Variants in ZNF362 observed in about 807,000 individuals in gnomAD.
ZNF362 encodes zinc finger protein 362.
In ZNF362, 11 loss-of-function variants were observed where a neutral mutation model predicts 42.9. The observed-to-expected ratio is 0.26, with a 90% CI of 0.16 to 0.42. ZNF362 has a LOEUF of 0.42. Among genes scored for constraint, ZNF362 ranks in the 20% least tolerant of loss-of-function variants. ZNF362 has a pLI of 1.00. For synonymous variants in ZNF362, 255 were observed against 257.3 expected (o/e 0.99, Z 0.09); for missense variants, 362 against 576.2 (o/e 0.63, Z 3.81).
At chr1:33,209,830 C>T in the ZNF362 span, among the ~76,000 whole-genome samples, 1,598 of 152,062 alleles carry the variant, frequency 0.011, 35 homozygotes, top group African/African-American at 0.036. Flanking sequence ...CTTTATTAGT[C>T]TTGCTAGTGG....
the ZNF362 span, among the ~76,000 whole-genome samples, chr1:33,210,299 G>A: frequency 3.7e-4 from 57 of 152,140 alleles, no homozygotes; most frequent in South Asian, 0.012. Flanking sequence ...ACAGTTTGTT[G>A]TAATTTCTGT....
intron 1 of ZNF362, among the ~76,000 whole-genome samples, chr1:33,262,286 G>A (rs1238029197): frequency 6.7e-6 from 1 of 149,266 alleles, no homozygotes; most frequent in African/African-American, 2.5e-5. Flanking sequence ...TTGGGCAAAG[G>A]CTTTAGGATT....
chr1:33,275,882 A>T (rs1032398046), intron 2 of ZNF362, among the ~76,000 whole-genome samples: 1 of 139,860 alleles, frequency 7.2e-6, no homozygotes, highest in Non-Finnish European at 1.5e-5. Flanking sequence ...GGGCCCACTA[A>T]GGGGGGGTGG....
the ZNF362 span, chr1:33,181,902 C>T: frequency 5.8e-6 from 1 of 171,026 alleles, no homozygotes; most frequent in African/African-American, 2.4e-5. The surrounding 1 kb of genome is among the most constrained non-coding windows in gnomAD (Gnocchi z 6.5). Flanking sequence ...CCGAGCCGTA[C>T]ATTGGCTGTG....
At chr1:33,277,655 A>C (rs12732195) in intron 4 of ZNF362, among the ~76,000 whole-genome samples, 25,129 of 152,106 alleles carry the variant, frequency 0.17, 2,589 homozygotes, top group South Asian at 0.26. Flanking sequence ...GTGGACAGAT[A>C]TGAGATACAT....
the ZNF362 span, among the ~76,000 whole-genome samples, chr1:33,128,734 C>T: frequency 6.6e-6 from 1 of 152,210 alleles, no homozygotes; most frequent in Non-Finnish European, 1.5e-5. Flanking sequence ...TATAACTTGT[C>T]TCTCAGACCA....
rs201391071 is a variant in ZNF362 at position 33,276,178 on chromosome 1, G to T, written c.102+15G>T. 6.2e-7 allele frequency: 1 copy of T among 1,612,604 alleles called. No individual in the cohort carries two copies. The highest frequency in any genetic ancestry group is 1.7e-5 in the Admixed American group (1 of 59,982). ...TGCCCAGCCAGGTAAGACTGACGTC[G>T]CCCCTCCGGCTGCCCTACCCTCCTT... is the stretch of plus-strand genomic sequence containing the variant. On this transcript the variant is annotated intron_variant, in intron 3 of 8. Coordinates refer to ENST00000539719, the MANE Select transcript of ZNF362 (RefSeq NM_152493.3).
the ZNF362 span, among the ~76,000 whole-genome samples, chr1:33,148,709 A>G: frequency 1.3e-5 from 2 of 152,224 alleles, no homozygotes; most frequent in African/African-American, 4.8e-5. Flanking sequence ...GAAATTGTGA[A>G]AAGGTTACAC....
the ZNF362 span, among the ~76,000 whole-genome samples, chr1:33,225,137 GGCTGTTTCCTCTACTT>G: frequency 6.6e-6 from 1 of 151,994 alleles, no homozygotes; most frequent in Non-Finnish European, 1.5e-5. Flanking sequence ...TCTTCACACT[GGCTGTTTCCTCTACTT>G]GATTATTCTT....
the ZNF362 span, among the ~76,000 whole-genome samples, chr1:33,217,276 C>T: frequency 6.6e-6 from 1 of 152,296 alleles, no homozygotes; most frequent in South Asian, 2.1e-4. Flanking sequence ...GAGGAAGGAG[C>T]CCTGGCCTAG....
At chr1:33,158,483 G>T in the ZNF362 span, 1 of 757,324 alleles carries the variant, frequency 1.3e-6, no homozygotes, top group Admixed American at 2.1e-5. Context: ...TGAGTGAGAA[G>T]TCTGTGGGAC....
chr1:33,235,536 T>C, the ZNF362 span, among the ~76,000 whole-genome samples: 1 of 152,208 alleles, frequency 6.6e-6, no homozygotes, highest in Non-Finnish European at 1.5e-5. Context: ...TCTTCAGGGA[T>C]ACTTGCTAAA....
the ZNF362 span, among the ~76,000 whole-genome samples, chr1:33,203,325 A>C: frequency 2.6e-5 from 4 of 152,070 alleles, no homozygotes; most frequent in South Asian, 8.3e-4. Context: ...AGGCTGAATG[A>C]TATTCCATCA....
intron 1 of ZNF362, among the ~76,000 whole-genome samples, chr1:33,261,010 G>T (rs890438171): frequency 2.0e-5 from 3 of 152,144 alleles, no homozygotes; most frequent in African/African-American, 7.2e-5. Flanking sequence ...GGCTCGCTTT[G>T]TGCCATGCCA....
At chr1:33,154,567 A>G in the ZNF362 span, among the ~76,000 whole-genome samples, 4 of 152,080 alleles carry the variant, frequency 2.6e-5, no homozygotes, top group African/African-American at 7.2e-5. Context: ...TGGGAGGCCA[A>G]GGTGGGCGGA....
chr1:33,202,454 C>T, the ZNF362 span, among the ~76,000 whole-genome samples: 2 of 151,966 alleles, frequency 1.3e-5, no homozygotes, highest in Non-Finnish European at 2.9e-5. Flanking sequence ...AAAAATCAGC[C>T]AGGCATGGTG....
the ZNF362 span, among the ~76,000 whole-genome samples, chr1:33,201,568 CAAATT>C: frequency 6.6e-6 from 1 of 152,088 alleles, no homozygotes; most frequent in African/African-American, 2.4e-5. Flanking sequence ...AATCAAAAGA[CAAATT>C]AAAATATTTT....
At chr1:33,260,259 C>G (rs1223053983) in intron 1 of ZNF362, among the ~76,000 whole-genome samples, 1 of 152,234 alleles carries the variant, frequency 6.6e-6, no homozygotes, top group East Asian at 1.9e-4. Flanking sequence ...ACTTTCTGGG[C>G]CTACAAGGCC....
At chr1:33,178,354 G>A in the ZNF362 span, among the ~76,000 whole-genome samples, 1 of 152,218 alleles carries the variant, frequency 6.6e-6, no homozygotes, top group African/African-American at 2.4e-5. Flanking sequence ...GGAGAGGCAG[G>A]TGGGGTGGAG....
Sources: allele counts gnomAD v4.1 joint callset (sites outside exome capture counted in the v4.1 genomes callset), GRCh38; gene constraint gnomAD v4.1.1; non-coding constraint Gnocchi (gnomAD v3.1); transcripts MANE v1.5; gene names NCBI Gene and HGNC (gene_info 2026-07-23, HGNC 2026-07-21).